FAM227B: variants seen among roughly 807,000 people sequenced by gnomAD.
FAM227B encodes the protein protein FAM227B.
Under a neutral mutation model 73.8 loss-of-function variants are expected in FAM227B, and 88 were observed. The observed-to-expected ratio is 1.19, with a 90% CI of 1.00 to 1.42. FAM227B has a LOEUF of 1.42. Among genes scored for constraint, FAM227B ranks in the 40% most tolerant of loss-of-function variants. The pLI is 0.00. For synonymous variants in FAM227B, 210 were observed against 190.5 expected, an observed-to-expected ratio of 1.10 and a Z score of -0.84; for missense variants, 632 against 590.9, an observed-to-expected ratio of 1.07 and a Z score of -0.72.
At chr15:49,591,446 G>A (rs1228262319) in intron 3 of FAM227B, among the ~76,000 whole-genome samples, 2 of 132,838 alleles carry the variant, frequency 1.5e-5, no homozygotes, top group African/African-American at 5.6e-5. Context: ...AAAGTGCTGG[G>A]ATTACAGGCA....
chr15:49,525,671 T>C (rs1350383867), intron 10 of FAM227B, among the ~76,000 whole-genome samples: 839 of 7,598 alleles, frequency 0.11, 35 homozygotes, highest in Non-Finnish European at 0.2. Context: ...GAGAAATATA[T>C]ATATATATAT....
intron 11 of FAM227B, among the ~76,000 whole-genome samples, chr15:49,407,180 CT>C (rs1481425493): frequency 1.3e-5 from 2 of 152,188 alleles, no homozygotes; most frequent in African/African-American, 2.4e-5. Context: ...TCCACATCAG[CT>C]GGCTTGCTGT....
chr15:49,585,078 A>G (rs1447918387), intron 5 of FAM227B, among the ~76,000 whole-genome samples: 1 of 152,190 alleles, frequency 6.6e-6, no homozygotes, highest in Non-Finnish European at 1.5e-5. Flanking sequence ...CAGCCAAAAA[A>G]CACATGAAAA....
intron 9 of FAM227B, among the ~76,000 whole-genome samples, chr15:49,545,233 G>T (rs190612547): frequency 2.1e-4 from 32 of 152,162 alleles, no homozygotes; most frequent in Admixed American, 1.4e-3. Flanking sequence ...TAGGACAGTT[G>T]TATATTTCCT....
intron 13 of FAM227B, among the ~76,000 whole-genome samples, chr15:49,339,000 A>G (rs954981239): frequency 2.4e-4 from 36 of 152,246 alleles, no homozygotes; most frequent in African/African-American, 7.9e-4. Context: ...GTTCTTCTCT[A>G]AACTGGTTAT....
intron 9 of FAM227B, among the ~76,000 whole-genome samples, chr15:49,557,805 AGAGTCTTT>A (rs2073866854): frequency 6.6e-6 from 1 of 152,188 alleles, no homozygotes. Context: ...AGAGCCACCT[AGAGTCTTT>A]GCAGAAGAAC....
At chr15:49,390,187 G>T (rs551469577) in intron 11 of FAM227B, among the ~76,000 whole-genome samples, 50 of 151,924 alleles carry the variant, frequency 3.3e-4, no homozygotes, top group Non-Finnish European at 4.6e-4. Context: ...CACTATACGG[G>T]CCACCCAATT....
chr15:49,401,598 AG>A (rs2048154993), intron 11 of FAM227B, among the ~76,000 whole-genome samples: 1 of 135,574 alleles, frequency 7.4e-6, no homozygotes, highest in Non-Finnish European at 1.7e-5. Context: ...CTTGGAACCA[AG>A]CCAAATGTCC....
chr15:49,515,174 TTCTC>T (rs2059295389), intron 10 of FAM227B, among the ~76,000 whole-genome samples: 1 of 152,120 alleles, frequency 6.6e-6, no homozygotes, highest in South Asian at 2.1e-4. Context: ...TCACTCTTTT[TTCTC>T]TCTGTGTTTC....
intron 11 of FAM227B, among the ~76,000 whole-genome samples, chr15:49,436,351 T>C (rs1311696749): frequency 6.6e-6 from 1 of 151,622 alleles, no homozygotes; most frequent in Non-Finnish European, 1.5e-5. Context: ...AACATCATTG[T>C]ATATTAAGGA....
At chr15:49,568,152 A>G in intron 9 of FAM227B, 93 bp downstream of exon 9, 8 of 1,141,972 alleles carry the variant, frequency 7.0e-6, no homozygotes, top group Non-Finnish European at 9.9e-6. Context: ...AAGTAACAAA[A>G]TATATTCTCA....
intron 11 of FAM227B, among the ~76,000 whole-genome samples, chr15:49,471,641 AT>A (rs1249532878): frequency 6.6e-6 from 1 of 152,072 alleles, no homozygotes; most frequent in African/African-American, 2.4e-5. Flanking sequence ...GAAAGTTATG[AT>A]TTTCTAATCA....
intron 13 of FAM227B, among the ~76,000 whole-genome samples, chr15:49,337,697 C>T (rs1033033025): frequency 2.6e-5 from 4 of 151,818 alleles, no homozygotes; most frequent in African/African-American, 9.7e-5. Flanking sequence ...TCAACAGGCC[C>T]CCTGATGTTC....
intron 11 of FAM227B, chr15:49,422,773 A>G: frequency 7.6e-7 from 1 of 1,320,000 alleles, no homozygotes; most frequent in Non-Finnish European, 1.1e-6. Context: ...TTGTCTCTGT[A>G]TGATGTGATA....
At chr15:49,370,870 G>A (rs2045758882) in intron 12 of FAM227B, among the ~76,000 whole-genome samples, 1 of 152,176 alleles carries the variant, frequency 6.6e-6, no homozygotes, top group Non-Finnish European at 1.5e-5. Flanking sequence ...AGACTCAAGA[G>A]TAACAGTATC....
At chr15:49,543,703 A>C (rs1425213382) in intron 9 of FAM227B, among the ~76,000 whole-genome samples, 1 of 152,100 alleles carries the variant, frequency 6.6e-6, no homozygotes, top group African/African-American at 2.4e-5. Context: ...ATCCAGCTTT[A>C]TTCTTCTACA....
chr15:49,593,974 G>C (rs2076741088), intron 3 of FAM227B, among the ~76,000 whole-genome samples: 1 of 152,130 alleles, frequency 6.6e-6, no homozygotes, highest in Non-Finnish European at 1.5e-5. Context: ...TCAAATGGTA[G>C]ATCTACTTTT....
chr15:49,438,021 G>A (rs1416709759), intron 11 of FAM227B, among the ~76,000 whole-genome samples: 1 of 151,610 alleles, frequency 6.6e-6, no homozygotes. Flanking sequence ...AGAAGAAAGG[G>A]TATCTCTTCC....
chr15:49,412,788 T>C (rs749180944), intron 11 of FAM227B, among the ~76,000 whole-genome samples: 1 of 152,128 alleles, frequency 6.6e-6, no homozygotes, highest in Admixed American at 6.6e-5. Flanking sequence ...AGAAAAACTT[T>C]CCTTTTGCAC....
Sources: gnomAD v4.1 joint callset for allele counts (sites outside exome capture counted in the v4.1 genomes callset) on GRCh38, gnomAD v4.1.1 for gene constraint, MANE v1.5 for transcripts, NCBI Gene and HGNC (gene_info 2026-07-23, HGNC 2026-07-21) for gene names.